CPA5: variants seen among roughly 807,000 people sequenced by gnomAD.
The protein encoded by CPA5 is testicular tissue protein Li 32.
A neutral mutation model predicts 52.2 loss-of-function variants in CPA5; 38 were observed. The ratio of observed to expected loss-of-function variants is 0.73; its 90% CI spans 0.56 to 0.95. The LOEUF (loss-of-function observed/expected upper bound fraction) is 0.95, where lower values mean the gene tolerates loss of function less well. Among genes scored for constraint, CPA5 ranks in the 40% least tolerant of loss-of-function variants. CPA5 has a pLI of 0.00. For synonymous variants in CPA5, 198 were observed against 213.7 expected (o/e 0.93, Z 0.64); for missense variants, 519 against 566.7 (o/e 0.92, Z 0.86).
intron 10 of CPA5, among the ~76,000 whole-genome samples, chr7:130,364,450 C>A (rs1554407644): frequency 9.2e-5 from 14 of 152,216 alleles, no homozygotes; most frequent in South Asian, 2.1e-4. Context: ...ACCTCGGCCT[C>A]CCAAAATGCT....
intron 10 of CPA5, among the ~76,000 whole-genome samples, chr7:130,365,304 A>G (rs782745122): frequency 3.3e-5 from 5 of 152,234 alleles, no homozygotes; most frequent in South Asian, 4.1e-4. Context: ...GACTGGAGTG[A>G]GTACCCATGG....
downstream of CPA5, among the ~76,000 whole-genome samples, chr7:130,369,746 A>C (rs1554409699): frequency 6.6e-6 from 1 of 152,132 alleles, no homozygotes; most frequent in Non-Finnish European, 1.5e-5. Context: ...GCACGGAGAC[A>C]GGGAAGAAAA....
At position 130,363,698 on chromosome 7, in the gene CPA5, T is replaced by TTG. The variant is rs143673824; in HGVS notation, c.838+203_838+204dup. On this transcript the variant is annotated intron_variant, in intron 10 of 12. Transcript: ENST00000474905. ...AGACTGGCTGTGGGTACGGGAGAGG[T>TTG]TGTGTGTGTGTGTGTTGAGTGTACA... 3.0e-3 allele frequency among the ~76,000 whole-genome samples: 461 copies of TTG among 151,234 alleles called. 2 individuals carry two copies. Among genetic ancestry groups the TTG allele is most frequent in the African/African-American group, 0.01 (426 of 41,190 alleles).
chr7:130,365,301 G>T (rs1277860870), intron 10 of CPA5, among the ~76,000 whole-genome samples: 1 of 152,208 alleles, frequency 6.6e-6, no homozygotes, highest in African/African-American at 2.4e-5. Context: ...ACTGACTGGA[G>T]TGAGTACCCA....
chr7:130,356,981 G>A (rs1241957932), intron 5 of CPA5, among the ~76,000 whole-genome samples: 3 of 152,234 alleles, frequency 2.0e-5, no homozygotes, highest in African/African-American at 7.2e-5. Flanking sequence ...TTCCTGGGAA[G>A]AAGACAAATT....
intron 5 of CPA5, among the ~76,000 whole-genome samples, chr7:130,358,864 C>T (rs782353407): frequency 5.3e-5 from 8 of 152,194 alleles, no homozygotes; most frequent in African/African-American, 9.6e-5. Context: ...GTATGGGCAG[C>T]GGGAAGTACC....
chr7:130,367,249 C>T (rs1796140204), intron 10 of CPA5, 123 bp from the exon 11 acceptor site: 1 of 787,798 alleles, frequency 1.3e-6, no homozygotes, highest in Non-Finnish European at 2.1e-6. Flanking sequence ...AAAGTAGTCA[C>T]ATGACCTCAG....
intron 11 of CPA5, 132 bp from the exon 12 acceptor site, chr7:130,367,774 T>C (rs1796180486): frequency 2.3e-6 from 2 of 884,820 alleles, no homozygotes; most frequent in Admixed American, 3.9e-5. Flanking sequence ...TGCTCCCTTC[T>C]CACAAGGGCC....
At chr7:130,372,424 A>G (rs556729731), downstream of CPA5, among the ~76,000 whole-genome samples, 1 of 152,376 alleles carries the variant, frequency 6.6e-6, no homozygotes, top group Non-Finnish European at 1.5e-5. Flanking sequence ...TCTGTCATAT[A>G]GCAAGTAGTC....
At chr7:130,346,678 C>T in intron 3 of CPA5, 77 bp downstream of exon 3, 9 of 1,173,628 alleles carry the variant, frequency 7.7e-6, no homozygotes, top group South Asian at 1.3e-5. Context: ...AGGTGGCTGC[C>T]CTGCTGGTGC....
chr7:130,350,769 C>T (rs962084974), intron 5 of CPA5, among the ~76,000 whole-genome samples: 1 of 152,236 alleles, frequency 6.6e-6, no homozygotes, highest in African/African-American at 2.4e-5. Flanking sequence ...TGCATCTTTT[C>T]TGAACGTCAT....
chr7:130,367,331 G>C lies in CPA5; in HGVS notation c.839-41G>C, dbSNP rs371715268. 1.9e-6 allele frequency: 3 copies of C among 1,579,682 alleles called. No individual in the cohort carries two copies. The East Asian group carries it at 6.7e-5, about 35-fold the overall frequency. ...TTTGTGAGCACCGTCTGTGTCGCACGTGGGGATTTGACTCTTTGGGTGGCT... is the reference window on the plus strand; with the variant it reads ...TTTGTGAGCACCGTCTGTGTCGCACCTGGGGATTTGACTCTTTGGGTGGCT... On this transcript the variant is annotated intron_variant, in intron 10 of 12. Coordinates refer to ENST00000474905, the MANE Select transcript of CPA5 (RefSeq NM_080385.5).
chr7:130,371,833 AG>A (rs1418104867), downstream of CPA5, among the ~76,000 whole-genome samples: 9 of 152,166 alleles, frequency 5.9e-5, no homozygotes, highest in Admixed American at 5.9e-4. Flanking sequence ...CTGGGATTAT[AG>A]GCATGAGCCA....
chr7:130,346,413 G>C lies in CPA5; in HGVS notation c.-73G>C. 1 of 1,106,116 alleles carries C rather than the reference G, an allele frequency of 9.0e-7. No homozygotes were observed. 68.5% of individuals were successfully genotyped at this position (1,106,116 alleles called of 1,614,324 possible). A position where few individuals can be genotyped will look rare whatever the true frequency, so the allele number is the denominator to read the frequency against. Reference sequence around the variant, plus strand: ...CTCAGGCTGGGCTTTCCAGCCTCTAGGTGCTGTGCTGTCCTGAGGCCTGGG... The same window carrying C: ...CTCAGGCTGGGCTTTCCAGCCTCTACGTGCTGTGCTGTCCTGAGGCCTGGG... On this transcript the variant is annotated 5_prime_UTR_variant, in exon 3 of 13. Coordinates refer to ENST00000474905, the MANE Select transcript of CPA5 (RefSeq NM_080385.5).
the CPA5 span, among the ~76,000 whole-genome samples, chr7:130,373,952 CA>C: frequency 6.6e-6 from 1 of 152,214 alleles, no homozygotes; most frequent in Non-Finnish European, 1.5e-5. Flanking sequence ...CCTTGGAGGC[CA>C]AACAGGCTGC....
intron 5 of CPA5, among the ~76,000 whole-genome samples, chr7:130,351,979 C>T (rs570235204): frequency 2.0e-4 from 30 of 152,250 alleles, no homozygotes; most frequent in Non-Finnish European, 3.4e-4. Context: ...TTCAGCTCCA[C>T]GCTCCGTGTC....
Position 130,362,444 on chromosome 7 carries a change from A to C in CPA5, c.541A>C (p.Thr181Pro). 6.2e-7 allele frequency: 1 copy of C among 1,611,130 alleles called. No individual in the cohort carries two copies. Among genetic ancestry groups the C allele is most frequent in the East Asian group, 2.2e-5 (1 of 44,810 alleles). The change falls in exon 8 of 13, where the codon ACT (threonine) becomes CCT (proline). Residue 181 changes from threonine to proline, a missense_variant. Physicochemically the swap from Thr to Pro is conservative, Grantham distance 38. Transcript: ENST00000474905. ...GCCCGATTCTTTTTCTCAGTTCAGC[A>C]CTGGAGGTTCTCGGCACCCAGCCAT... The part of the protein sequence containing the change: ...NQSILVLKFS[T>P]GGSRHPAIWI...
chr7:130,346,654 G>T, intron 3 of CPA5, 53 bp downstream of exon 3: 4 of 1,471,712 alleles, frequency 2.7e-6, no homozygotes, highest in Admixed American at 1.7e-5. Flanking sequence ...GAGGGGACTG[G>T]GTGTCCCAGC....
At chr7:130,359,960 C>T (rs1346089201) in intron 6 of CPA5, among the ~76,000 whole-genome samples, 2 of 152,192 alleles carry the variant, frequency 1.3e-5, no homozygotes, top group African/African-American at 4.8e-5. Context: ...CTAGGCAGAA[C>T]ACTAACGCAG....
Sources: allele counts gnomAD v4.1 joint callset (sites outside exome capture counted in the v4.1 genomes callset), GRCh38; gene constraint gnomAD v4.1.1; transcripts MANE v1.5; gene names NCBI Gene and HGNC (gene_info 2026-07-23, HGNC 2026-07-21).